Variants in ZNF106 observed in about 807,000 individuals in gnomAD.
ZNF106 encodes zinc finger protein 106.
A neutral mutation model predicts 195.1 loss-of-function variants in ZNF106; 67 were observed. The observed-to-expected ratio is 0.34, with a 90% CI of 0.28 to 0.42. The LOEUF is 0.42. ZNF106 is among the 10% of genes least tolerant of loss of function. The probability of loss-of-function intolerance (pLI) is 1.00; values close to 1 mark genes in which losing one functional copy is unlikely to be tolerated. For synonymous variants in ZNF106, 784 were observed against 818.6 expected (o/e 0.96, Z 0.72); for missense variants, 2,118 against 2,304.5 (o/e 0.92, Z 1.66).
chr15:42,419,051 C>A (rs1163405388), intron 20 of ZNF106, among the ~76,000 whole-genome samples: 1 of 144,576 alleles, frequency 6.9e-6, no homozygotes. Flanking sequence ...CATAGTGAGA[C>A]CCTTTCTCTA....
In ZNF106 at chr15:42,455,879, T is replaced by C. The variant is rs147567119; in HGVS notation, c.317+1079A>G. On this transcript the variant is annotated intron_variant, in intron 4 of 21. Transcript: ENST00000564754. ...ACCTCATAAGTGCTTCTCTCTCTCT[T>C]TCCCTCACATTGAAAATTTCTACCT... Among the ~76,000 whole-genome samples the C allele has an allele frequency of 1.4e-4, 21 of 152,224 alleles. No individual in the cohort carries two copies. In the East Asian group the frequency reaches 4.1e-3, roughly 29 times the overall value.
intron 14 of ZNF106, among the ~76,000 whole-genome samples, chr15:42,434,495 C>T (rs28621687): frequency 0.025 from 3,848 of 152,200 alleles, 128 homozygotes; most frequent in African/African-American, 0.073. Flanking sequence ...TACTTATTCC[C>T]AGTAAAATAT....
At chr15:42,449,460 T>C (rs1479562976) in intron 5 of ZNF106, among the ~76,000 whole-genome samples, 1 of 152,218 alleles carries the variant, frequency 6.6e-6, no homozygotes, top group East Asian at 1.9e-4. Flanking sequence ...TCTACATTTT[T>C]ATGCTGTCAT....
intron 14 of ZNF106, among the ~76,000 whole-genome samples, chr15:42,435,020 C>T (rs377083034): frequency 2.0e-5 from 3 of 152,108 alleles, no homozygotes; most frequent in African/African-American, 4.8e-5. Context: ...TGAATCCACC[C>T]GCCTCTGCCT....
At chr15:42,484,382 T>C (rs1055735553) in intron 1 of ZNF106, among the ~76,000 whole-genome samples, 1 of 152,202 alleles carries the variant, frequency 6.6e-6, no homozygotes, top group East Asian at 1.9e-4. Flanking sequence ...TGCTCAGACA[T>C]GACTATATTA....
chr15:42,428,494 T>C (rs772031845), intron 14 of ZNF106, among the ~76,000 whole-genome samples: 1 of 152,200 alleles, frequency 6.6e-6, no homozygotes, highest in Non-Finnish European at 1.5e-5. Context: ...ATCAGGATTA[T>C]AGTTATATAT....
In ZNF106 at chr15:42,433,100, TTTTA is replaced by T. The variant is rs1253452574; in HGVS notation, c.4881+2280_4881+2283del. Among the ~76,000 whole-genome samples, 7 of 152,208 alleles carry T rather than the reference TTTTA, an allele frequency of 4.6e-5. No individual in the cohort carries two copies. In the East Asian group the frequency reaches 1.2e-3, roughly 25 times the overall value. On this transcript the variant is annotated intron_variant, in intron 14 of 21. Coordinates refer to ENST00000564754, the MANE Select transcript of ZNF106 (RefSeq NM_001366845.3). ...CTACCTTCTCTTGTATTAAGTATAT[TTTTA>T]TTTATTTATTTATTTTTTTGAGACG...
At chr15:42,432,984 T>C (rs2055111533) in intron 14 of ZNF106, among the ~76,000 whole-genome samples, 2 of 152,224 alleles carry the variant, frequency 1.3e-5, no homozygotes, top group African/African-American at 4.8e-5. Context: ...TTCACTCACA[T>C]TTCATATAAT....
chr15:42,414,539 CAG>C lies in ZNF106; in HGVS notation c.*2763_*2764del, dbSNP rs1001112881. The stretch of plus-strand genomic sequence containing the variant: ...AGGAACCTGCACACTTGCACACACA[CAG>C]GCAGGTATAGGCACACAGTTCCACC... On this transcript the variant is annotated 3_prime_UTR_variant, in exon 22 of 22. Coordinates refer to ENST00000564754, the MANE Select transcript of ZNF106 (RefSeq NM_001366845.3). 2.0e-5 allele frequency: 3 copies of C among 152,274 alleles called. No homozygotes were observed. The highest frequency in any genetic ancestry group is 4.4e-5 in the Non-Finnish European group (3 of 68,068). 9.4% of individuals were successfully genotyped at this position (152,274 alleles called of 1,614,324 possible).
intron 21 of ZNF106, 34 bp from the exon 22 acceptor site, chr15:42,417,394 A>ACC: frequency 6.2e-7 from 1 of 1,612,128 alleles, no homozygotes; most frequent in Non-Finnish European, 8.5e-7. Context: ...CATGAGAGAG[A>ACC]AGTCGATAGT....
intron 3 of ZNF106, chr15:42,457,657 G>T: frequency 3.9e-6 from 2 of 508,658 alleles, no homozygotes; most frequent in African/African-American, 2.1e-5. Context: ...AATCGGAACA[G>T]CTGGAGCTCT....
chr15:42,446,495 T>C (rs1471036029), intron 7 of ZNF106, 94 bp downstream of exon 7: 8 of 912,540 alleles, frequency 8.8e-6, no homozygotes, highest in African/African-American at 1.7e-5. Flanking sequence ...GAGGATTGCT[T>C]GAGCCCAAGA....
rs1334099567 is a variant in ZNF106, at chr15:42,449,762, A to C, written c.2501+9T>G. On this transcript the variant is annotated intron_variant, in intron 5 of 21. Coordinates refer to ENST00000564754, the MANE Select transcript of ZNF106 (RefSeq NM_001366845.3). ...GAGGAAAAAAAAGACACCGAAAAGC[A>C]GCACACACCTGGGTAAGCCTTTGCC... is the stretch of plus-strand genomic sequence containing the variant. 6.3e-7 allele frequency: 1 copy of C among 1,594,008 alleles called. No homozygotes were observed. The highest frequency in any genetic ancestry group is 1.4e-5 in the African/African-American group (1 of 73,872).
chr15:42,478,512 CTTTTTTTTTTTT>C (rs58475332), intron 1 of ZNF106, among the ~76,000 whole-genome samples: 2,106 of 77,666 alleles, frequency 0.027, 69 homozygotes, highest in African/African-American at 0.096. Context: ...TCCTCTTTTT[CTTTTTTTTTTTT>C]TTTTTTTTTG....
rs1332231734 is a variant in ZNF106, at chr15:42,414,792, A to C, written c.*2512T>G. 1 of 152,262 alleles carries C rather than the reference A, an allele frequency of 6.6e-6. No individual in the cohort carries two copies. The highest frequency in any genetic ancestry group is 2.4e-5 in the African/African-American group (1 of 41,456). 9.4% of individuals were successfully genotyped at this position (152,262 alleles called of 1,614,324 possible). A position where few individuals can be genotyped will look rare whatever the true frequency, so the allele number is the denominator to read the frequency against. ...CAGCGTGAAAATGCGGCTTCACTAC[A>C]GCCCAGAGAAAAGGGCCAGGTTTAG... On this transcript the variant is annotated 3_prime_UTR_variant, in exon 22 of 22. Coordinates refer to ENST00000564754, the MANE Select transcript of ZNF106 (RefSeq NM_001366845.3).
intron 4 of ZNF106, among the ~76,000 whole-genome samples, chr15:42,454,289 A>G (rs2056154828): frequency 6.6e-6 from 1 of 152,218 alleles, no homozygotes; most frequent in South Asian, 2.1e-4. Context: ...AGAAAGTAAC[A>G]AGTATTATTA....
chr15:42,450,351 T>G lies in ZNF106; in HGVS notation c.1921A>C (p.Ser641Arg), dbSNP rs377461068. The G allele has an allele frequency of 1.4e-5, 23 of 1,614,100 alleles. No individual in the cohort carries two copies. Among genetic ancestry groups the G allele is most frequent in the African/African-American group, 2.7e-5 (2 of 74,936 alleles). The stretch of plus-strand genomic sequence containing the variant: ...TCTTTCTCATCAGCAGTTCGAGTGC[T>G]GCCAGATAACAATTCTGTAGTTGCA... ...GSATTELLSG[S>R]TRTADEKEED... is the part of the protein sequence containing the mutation. Residue 641 changes from serine (S) to arginine (R), a missense_variant, in exon 5 of 22, where the codon AGC becomes CGC. Physicochemically the swap from Ser to Arg is moderately radical, Grantham distance 110 (BLOSUM62 -1). Transcript: ENST00000564754.
chr15:42,487,840 T>C (rs578040327), intron 1 of ZNF106, among the ~76,000 whole-genome samples: 1 of 152,212 alleles, frequency 6.6e-6, no homozygotes, highest in Non-Finnish European at 1.5e-5. Context: ...TCTGTCTCTA[T>C]GATTTTGACT....
At chr15:42,490,917 G>A (rs1196390692) in intron 1 of ZNF106, 63 bp downstream of exon 1, 2 of 152,418 alleles carry the variant, frequency 1.3e-5, no homozygotes, top group African/African-American at 4.8e-5. Context: ...CTCCCTAAGG[G>A]GCAGACGACC....
Sources: allele counts gnomAD v4.1 joint callset (sites outside exome capture counted in the v4.1 genomes callset), GRCh38; gene constraint gnomAD v4.1.1; transcripts MANE v1.5; gene names NCBI Gene and HGNC (gene_info 2026-07-23, HGNC 2026-07-21).